CDH18: variants seen among roughly 807,000 people sequenced by gnomAD.
CDH18 encodes the protein cadherin 18.
A neutral mutation model predicts 67.9 loss-of-function variants in CDH18; 31 were observed. That is an observed-to-expected ratio of 0.46 (90% CI 0.34 to 0.62). The LOEUF (loss-of-function observed/expected upper bound fraction) is 0.62, where lower values mean the gene tolerates loss of function less well. Ranked by LOEUF, CDH18 falls within the 20% of genes least tolerant of loss-of-function variation. CDH18 has a pLI of 0.01. For synonymous variants in CDH18, 362 were observed against 347.2 expected (o/e 1.04, Z -0.48); for missense variants, 890 against 975.5 (o/e 0.91, Z 1.17).
chr5:20,296,072 C>T (rs1283173544), intron 1 of CDH18, among the ~76,000 whole-genome samples: 2 of 151,126 alleles, frequency 1.3e-5, no homozygotes, highest in African/African-American at 2.4e-5. Context: ...GACGGGGTTT[C>T]GCCACGTTGG....
chr5:19,917,737 T>G (rs988847357), intron 2 of CDH18, among the ~76,000 whole-genome samples: 1 of 152,206 alleles, frequency 6.6e-6, no homozygotes, highest in African/African-American at 2.4e-5. Context: ...CATTGCATTA[T>G]TTATTGTCAC....
intron 10 of CDH18, among the ~76,000 whole-genome samples, chr5:19,519,974 T>A (rs1402153617): frequency 6.6e-6 from 1 of 152,182 alleles, no homozygotes; most frequent in Admixed American, 6.5e-5. Context: ...TTCTGACCTA[T>A]AGAAACTGTG....
At chr5:20,320,344 A>T (rs1737885484) in intron 1 of CDH18, among the ~76,000 whole-genome samples, 1 of 152,150 alleles carries the variant, frequency 6.6e-6, no homozygotes, top group African/African-American at 2.4e-5. Flanking sequence ...CCATTTCAGC[A>T]TTGTCACACA....
At chr5:20,180,358 C>T (rs922160567) in intron 2 of CDH18, among the ~76,000 whole-genome samples, 2 of 152,130 alleles carry the variant, frequency 1.3e-5, no homozygotes, top group African/African-American at 2.4e-5. Flanking sequence ...TCTAGTCTAA[C>T]CAGTTGTCTA....
At chr5:19,833,955 A>G (rs1162973908) in intron 3 of CDH18, among the ~76,000 whole-genome samples, 1 of 152,036 alleles carries the variant, frequency 6.6e-6, no homozygotes, top group Admixed American at 6.6e-5. Flanking sequence ...ATTGATGTTC[A>G]TCAGGGATAT....
chr5:19,827,997 G>C (rs772968445), intron 3 of CDH18, among the ~76,000 whole-genome samples: 9 of 152,092 alleles, frequency 5.9e-5, no homozygotes, highest in Middle Eastern at 3.4e-3. Context: ...AAGTAAAAAA[G>C]AGAAAAGATC....
intron 2 of CDH18, among the ~76,000 whole-genome samples, chr5:20,172,442 G>A (rs553007710): frequency 6.6e-6 from 1 of 150,754 alleles, no homozygotes; most frequent in Non-Finnish European, 1.5e-5. Flanking sequence ...TCCACAAGTC[G>A]CAATTTTGAA....
intron 2 of CDH18, among the ~76,000 whole-genome samples, chr5:19,947,518 A>T (rs1261136476): frequency 1.5e-5 from 2 of 136,390 alleles, no homozygotes; most frequent in African/African-American, 5.3e-5. Flanking sequence ...AGTTGGGTGG[A>T]TTGCCTGAGC....
intron 5 of CDH18, among the ~76,000 whole-genome samples, chr5:19,666,695 CT>C (rs1366549490): frequency 1.4e-4 from 22 of 152,218 alleles, no homozygotes; most frequent in African/African-American, 5.3e-4. Context: ...CAAAAGACAA[CT>C]GATTTTTGGC....
chr5:20,497,775 C>T (rs886661475), intron 1 of CDH18, among the ~76,000 whole-genome samples: 1 of 152,016 alleles, frequency 6.6e-6, no homozygotes, highest in Admixed American at 6.6e-5. Flanking sequence ...AAAGAGAGTT[C>T]GTTTATTAAA....
At chr5:20,564,114 C>T (rs1035112632) in intron 1 of CDH18, among the ~76,000 whole-genome samples, 3 of 151,874 alleles carry the variant, frequency 2.0e-5, no homozygotes, top group Non-Finnish European at 4.4e-5. Flanking sequence ...CTTCCACAAT[C>T]GGTTCACCTA....
intron 1 of CDH18, among the ~76,000 whole-genome samples, chr5:20,333,227 G>C (rs1739348088): frequency 6.6e-6 from 1 of 151,972 alleles, no homozygotes. Context: ...TTTTTCATGT[G>C]GCCGGGCATG....
intron 1 of CDH18, among the ~76,000 whole-genome samples, chr5:20,395,330 C>T (rs951637424): frequency 5.9e-5 from 9 of 152,096 alleles, no homozygotes; most frequent in African/African-American, 2.2e-4. Context: ...CTAAGTGAAG[C>T]AGCTCAGGGG....
chr5:20,336,265 C>A (rs572731909), intron 1 of CDH18, among the ~76,000 whole-genome samples: 1 of 152,126 alleles, frequency 6.6e-6, no homozygotes, highest in Non-Finnish European at 1.5e-5. Context: ...GTTAGGATCA[C>A]CACTCCAGAG....
At position 19,941,987 on chromosome 5, in the gene CDH18, C is replaced by G. The variant is rs1012254106; in HGVS notation, c.-257+39073G>C. On this transcript the variant is annotated intron_variant, in intron 2 of 12. Coordinates refer to ENST00000382275, the MANE Select transcript of CDH18 (RefSeq NM_004934.5). ...TACTGTCTCCCTTCAAGTTGACCTTCTGGAGCATTATATGAGCCTAGACAT... is the reference window on the plus strand; with the variant it reads ...TACTGTCTCCCTTCAAGTTGACCTTGTGGAGCATTATATGAGCCTAGACAT... Among the ~76,000 whole-genome samples the G allele has an allele frequency of 2.0e-5, 3 of 152,098 alleles. No homozygotes were observed. In the South Asian group the frequency reaches 6.2e-4, roughly 31 times the overall value.
chr5:20,405,094 T>C (rs1407273992), intron 1 of CDH18, among the ~76,000 whole-genome samples: 1 of 152,134 alleles, frequency 6.6e-6, no homozygotes, highest in Non-Finnish European at 1.5e-5. Context: ...TAGTTTAAAG[T>C]TCATATGGAA....
At chr5:20,333,718 T>A (rs2150030125) in intron 1 of CDH18, among the ~76,000 whole-genome samples, 1 of 152,228 alleles carries the variant, frequency 6.6e-6, no homozygotes, top group African/African-American at 2.4e-5. Context: ...TTGTGCTATT[T>A]GCTACAGTGT....
intron 2 of CDH18, among the ~76,000 whole-genome samples, chr5:20,230,629 A>G (rs1741991296): frequency 7.0e-6 from 1 of 142,724 alleles, no homozygotes; most frequent in Non-Finnish European, 1.5e-5. Flanking sequence ...ATTTCAGATA[A>G]GTATAGACTT....
At chr5:19,572,047 A>T (rs1455341767) in intron 7 of CDH18, among the ~76,000 whole-genome samples, 1 of 152,192 alleles carries the variant, frequency 6.6e-6, no homozygotes, top group Non-Finnish European at 1.5e-5. Flanking sequence ...TATTTAGTGC[A>T]ATAATATGTA....
Sources: allele counts gnomAD v4.1 joint callset (sites outside exome capture counted in the v4.1 genomes callset), GRCh38; gene constraint gnomAD v4.1.1; transcripts MANE v1.5; gene names NCBI Gene and HGNC (gene_info 2026-07-23, HGNC 2026-07-21).